AKAP13: variants seen among roughly 807,000 people sequenced by gnomAD.
AKAP13 encodes A-kinase anchoring protein 13.
In AKAP13, 80 loss-of-function variants were observed where a neutral mutation model predicts 264.5. The ratio of observed to expected loss-of-function variants is 0.30; its 90% CI spans 0.25 to 0.36. The LOEUF is 0.36. Among genes scored for constraint, AKAP13 ranks in the 10% least tolerant of loss-of-function variants. The pLI is 1.00. For missense variants in AKAP13, 3,712 were observed against 3,435.2 expected, an observed-to-expected ratio of 1.08 and a Z score of -2.01; for synonymous variants, 1,380 against 1,250.2, an observed-to-expected ratio of 1.10 and a Z score of -2.19.
chr15:85,606,396 C>T (rs1004043756), intron 8 of AKAP13, among the ~76,000 whole-genome samples: 1 of 152,132 alleles, frequency 6.6e-6, no homozygotes, highest in Non-Finnish European at 1.5e-5. Flanking sequence ...GCCACAGTGC[C>T]CAGCCTAGGT....
At chr15:85,740,782 C>G (rs531484958) in intron 34 of AKAP13, among the ~76,000 whole-genome samples, 1 of 127,610 alleles carries the variant, frequency 7.8e-6, no homozygotes, top group African/African-American at 2.9e-5. Context: ...ACCACCCCCC[C>G]CCCCACCCCA....
intron 12 of AKAP13, among the ~76,000 whole-genome samples, chr15:85,659,286 T>G (rs2083233073): frequency 6.6e-6 from 1 of 152,364 alleles, no homozygotes; most frequent in Admixed American, 6.5e-5. Flanking sequence ...GACCTTCCAT[T>G]GTTTAGAAAA....
intron 20 of AKAP13, 29 bp from the exon 21 acceptor site, chr15:85,717,261 G>T: frequency 7.1e-7 from 1 of 1,413,762 alleles, no homozygotes; most frequent in South Asian, 1.2e-5. Flanking sequence ...GAATGTATTT[G>T]ACAGTATGTA....
chr15:85,475,782 TTATAGC>T (rs1431454339), intron 1 of AKAP13, among the ~76,000 whole-genome samples: 1 of 152,210 alleles, frequency 6.6e-6, no homozygotes, highest in Non-Finnish European at 1.5e-5. Flanking sequence ...ATTTTTGTAC[TTATAGC>T]TATAACTGTG....
At chr15:85,492,808 C>T (rs1055372539) in intron 2 of AKAP13, among the ~76,000 whole-genome samples, 1 of 152,172 alleles carries the variant, frequency 6.6e-6, no homozygotes, top group African/African-American at 2.4e-5. Context: ...TGGCAATGGA[C>T]TACATGAGTG....
chr15:85,630,234 AAC>A (rs71141472), intron 8 of AKAP13, among the ~76,000 whole-genome samples: 1,479 of 119,130 alleles, frequency 0.012, 48 homozygotes, highest in Middle Eastern at 0.041. Flanking sequence ...GGAAAATTGT[AAC>A]ACACACACAC....
At chr15:85,395,873 C>A (rs974294940) in intron 1 of AKAP13, among the ~76,000 whole-genome samples, 2 of 152,114 alleles carry the variant, frequency 1.3e-5, no homozygotes, top group African/African-American at 4.8e-5. Flanking sequence ...ACATGTCTAT[C>A]TTTCCTCCCA....
At chr15:85,395,844 G>A (rs184457363) in intron 1 of AKAP13, among the ~76,000 whole-genome samples, 173 of 152,188 alleles carry the variant, frequency 1.1e-3, no homozygotes, top group Non-Finnish European at 1.8e-3. Context: ...CCACTGAATA[G>A]ATGGGGTAAT....
intron 8 of AKAP13, chr15:85,621,580 A>G (rs762800094): frequency 2.6e-5 from 4 of 152,220 alleles, no homozygotes; most frequent in Non-Finnish European, 4.4e-5. Context: ...AACATTTAAA[A>G]TAATGCTAAA....
chr15:85,413,536 A>G lies in AKAP13; in HGVS notation c.-12+32738A>G, dbSNP rs116878694. On this transcript the variant is annotated intron_variant, in intron 1 of 36. Coordinates refer to ENST00000394518, the MANE Select transcript of AKAP13 (RefSeq NM_007200.5). ...GAAGTCAGGTGAAGGTGAAGAGAAT[A>G]GCACCATTGCCCTGACCCCTGGCTT... Among the ~76,000 whole-genome samples the G allele has an allele frequency of 4.2e-3, 632 of 152,240 alleles. 2 individuals carry two copies. The highest frequency in any genetic ancestry group is 5.8e-3 in the Non-Finnish European group (395 of 67,944).
intron 1 of AKAP13, among the ~76,000 whole-genome samples, chr15:85,396,499 A>G (rs2071119537): frequency 6.6e-6 from 1 of 152,228 alleles, no homozygotes; most frequent in Non-Finnish European, 1.5e-5. Flanking sequence ...TTATTTTAAA[A>G]AAAGCTTTGT....
intron 10 of AKAP13, among the ~76,000 whole-genome samples, chr15:85,652,651 A>G (rs754161592): frequency 1.1e-4 from 16 of 152,144 alleles, no homozygotes; most frequent in Non-Finnish European, 2.2e-4. Context: ...ACAGGAACTT[A>G]CTTGGTCCCA....
chr15:85,700,360 C>T (rs148777748), intron 17 of AKAP13, among the ~76,000 whole-genome samples: 105 of 152,310 alleles, frequency 6.9e-4, no homozygotes, highest in Non-Finnish European at 5.6e-4. Context: ...ATGAAGCACA[C>T]ATAGCTAGGA....
chr15:85,638,055 A>ATT (rs201112050), intron 8 of AKAP13, among the ~76,000 whole-genome samples: 2,440 of 147,388 alleles, frequency 0.017, 33 homozygotes, highest in Non-Finnish European at 0.026. Flanking sequence ...ATTTTTTTGT[A>ATT]TTTTTTTTTT....
chr15:85,554,052 A>G (rs2078055680), intron 5 of AKAP13, among the ~76,000 whole-genome samples: 1 of 152,158 alleles, frequency 6.6e-6, no homozygotes, highest in South Asian at 2.1e-4. Flanking sequence ...GAATGCTTAC[A>G]TAGTACTCTT....
Position 85,719,184 on chromosome 15 carries a change from A to G in AKAP13, c.6110A>G (p.Lys2037Arg). ...CTTTTTGAGCAGCAGATGGTAGAAA[A>G]GCTGTTCCCCTGTTTGGATGAGCTG... ...DLLFEQQMVE[K>R]LFPCLDELIS... The change falls in exon 23 of 37, where the codon AAG becomes AGG. Residue 2037 changes from lysine to arginine, a missense_variant. Transcript: ENST00000394518. 2.5e-6 allele frequency: 4 copies of G among 1,614,162 alleles called. No individual in the cohort carries two copies. Among genetic ancestry groups the G allele is most frequent in the Non-Finnish European group, 1.7e-6 (2 of 1,180,036 alleles).
chr15:85,740,896 G>C, intron 34 of AKAP13, 150 bp from the exon 35 acceptor site: 1 of 1,339,060 alleles, frequency 7.5e-7, no homozygotes, highest in Middle Eastern at 2.7e-4. Context: ...AATTATCCTG[G>C]AGCATTTTTA....
chr15:85,503,807 T>C (rs1238047792), intron 2 of AKAP13, among the ~76,000 whole-genome samples: 1 of 152,218 alleles, frequency 6.6e-6, no homozygotes, highest in Admixed American at 6.5e-5. Flanking sequence ...GGGAGCAGCA[T>C]GGCCGAGTAG....
intron 26 of AKAP13, among the ~76,000 whole-genome samples, chr15:85,725,585 C>A (rs142937432): frequency 6.6e-6 from 1 of 152,216 alleles, no homozygotes; most frequent in Non-Finnish European, 1.5e-5. Flanking sequence ...TCAGTTGCGG[C>A]AGAGGTAGAA....
Sources: allele counts gnomAD v4.1 joint callset (sites outside exome capture counted in the v4.1 genomes callset), GRCh38; gene constraint gnomAD v4.1.1; transcripts MANE v1.5; gene names NCBI Gene and HGNC (gene_info 2026-07-23, HGNC 2026-07-21).